SORCS3: variants seen among roughly 807,000 people sequenced by gnomAD.
SORCS3 encodes VPS10 domain-containing receptor SorCS3.
A neutral mutation model predicts 146.3 loss-of-function variants in SORCS3; 57 were observed. The ratio of observed to expected loss-of-function variants is 0.39; its 90% confidence interval spans 0.31 to 0.49. The LOEUF is 0.49. Among genes scored for constraint, SORCS3 ranks in the 20% least tolerant of loss-of-function variants. SORCS3 has a pLI of 0.92. For missense variants in SORCS3, 1,341 were observed against 1,575.5 expected (o/e 0.85, Z 2.52); for synonymous variants, 653 against 618.5 (o/e 1.06, Z -0.83).
intron 1 of SORCS3, among the ~76,000 whole-genome samples, chr10:104,646,772 T>G (rs2015500228): frequency 6.6e-6 from 1 of 151,374 alleles, no homozygotes; most frequent in African/African-American, 2.4e-5. Flanking sequence ...GAGGAGGAGG[T>G]GGGAGATATA....
chr10:104,867,483 G>A (rs370496300), intron 2 of SORCS3, among the ~76,000 whole-genome samples: 50 of 152,096 alleles, frequency 3.3e-4, no homozygotes, highest in African/African-American at 1.2e-3. Flanking sequence ...CTAATTTTTT[G>A]TATTTTTAGT....
chr10:104,875,191 A>G (rs1396781158), intron 2 of SORCS3, among the ~76,000 whole-genome samples: 1 of 152,214 alleles, frequency 6.6e-6, no homozygotes, highest in South Asian at 2.1e-4. Context: ...CAGTTGGTAG[A>G]TATTTCCAAG....
At chr10:104,812,113 CAG>C (rs1430102901) in intron 1 of SORCS3, among the ~76,000 whole-genome samples, 2 of 152,202 alleles carry the variant, frequency 1.3e-5, no homozygotes, top group African/African-American at 4.8e-5. Context: ...GAAGGGTAGA[CAG>C]AGATTTCCAT....
At position 105,200,684 on chromosome 10, in the gene SORCS3, G is replaced by A. The variant is rs534384423; in HGVS notation, c.2128-436G>A. On this transcript the variant is annotated intron_variant, in intron 15 of 26. Coordinates refer to ENST00000369701, the MANE Select transcript of SORCS3 (RefSeq NM_014978.3). ...TGGGAATTAAGATTTGGGCATGGTC[G>A]TTTATCATAGAGAAGGAACATTTTG... Among the ~76,000 whole-genome samples the A allele has an allele frequency of 9.2e-5, 14 of 152,292 alleles. No homozygotes were observed. In the South Asian group the frequency reaches 1.0e-3, roughly 11 times the overall value.
chr10:105,246,890 G>T (rs2056869298), intron 21 of SORCS3, among the ~76,000 whole-genome samples: 1 of 152,204 alleles, frequency 6.6e-6, no homozygotes, highest in African/African-American at 2.4e-5. Context: ...TTAATGCTTT[G>T]TGTTGGCTCT....
chr10:104,749,525 G>GTTC (rs1564674838), intron 1 of SORCS3, among the ~76,000 whole-genome samples: 1 of 152,082 alleles, frequency 6.6e-6, no homozygotes, highest in Non-Finnish European at 1.5e-5. Flanking sequence ...AGTTTAGTGC[G>GTTC]TTCTTATTGT....
intron 1 of SORCS3, among the ~76,000 whole-genome samples, chr10:104,698,386 G>T (rs1279971934): frequency 1.3e-5 from 2 of 152,138 alleles, no homozygotes; most frequent in African/African-American, 4.8e-5. Flanking sequence ...CAAAGACTGA[G>T]TACACTTACA....
chr10:105,129,053 C>A (rs2055996796), intron 7 of SORCS3, among the ~76,000 whole-genome samples: 1 of 152,058 alleles, frequency 6.6e-6, no homozygotes, highest in Non-Finnish European at 1.5e-5. Flanking sequence ...CAGGACCTTC[C>A]ACCTTTTCCC....
At chr10:104,848,843 T>C (rs115444525) in intron 2 of SORCS3, among the ~76,000 whole-genome samples, 3 of 152,294 alleles carry the variant, frequency 2.0e-5, no homozygotes, top group African/African-American at 7.2e-5. Context: ...AAGGAATGTT[T>C]CATTTGGTTG....
At chr10:105,120,235 C>A (rs1198600162) in intron 7 of SORCS3, among the ~76,000 whole-genome samples, 1 of 152,114 alleles carries the variant, frequency 6.6e-6, no homozygotes, top group Non-Finnish European at 1.5e-5. Context: ...GCTGTTCCTC[C>A]CCTTCACCTT....
intron 2 of SORCS3, among the ~76,000 whole-genome samples, chr10:104,878,807 A>C (rs1460204655): frequency 6.6e-6 from 1 of 152,206 alleles, no homozygotes; most frequent in Non-Finnish European, 1.5e-5. Context: ...GCTTAAATAC[A>C]GAGAATTAGA....
intron 5 of SORCS3, among the ~76,000 whole-genome samples, chr10:105,045,935 A>G (rs2055369029): frequency 6.6e-6 from 1 of 152,174 alleles, no homozygotes; most frequent in Admixed American, 6.6e-5. Context: ...GCCCATGGGC[A>G]TGTGATAACA....
At chr10:105,175,122 G>A (rs1184566061) in intron 13 of SORCS3, among the ~76,000 whole-genome samples, 7 of 151,968 alleles carry the variant, frequency 4.6e-5, no homozygotes, top group Admixed American at 2.6e-4. Flanking sequence ...ATCTCGGCTC[G>A]CTGCAACCTC....
chr10:105,158,457 G>A (rs1204826363), intron 10 of SORCS3, among the ~76,000 whole-genome samples: 1 of 152,176 alleles, frequency 6.6e-6, no homozygotes, highest in Non-Finnish European at 1.5e-5. Context: ...TGGAGGGCCT[G>A]GCCTAGTTCA....
chr10:104,705,408 A>G (rs552416590), intron 1 of SORCS3, among the ~76,000 whole-genome samples: 70 of 152,032 alleles, frequency 4.6e-4, no homozygotes, highest in African/African-American at 1.6e-3. Context: ...AGTATTTTAT[A>G]CTTTTCCCAC....
intron 6 of SORCS3, among the ~76,000 whole-genome samples, chr10:105,099,784 C>T (rs189770531): frequency 3.9e-5 from 6 of 152,242 alleles, no homozygotes; most frequent in Admixed American, 6.5e-5. Flanking sequence ...AGGCTAAGGG[C>T]GTCAGATTTT....
chr10:104,815,972 A>G (rs2017793221), intron 1 of SORCS3, among the ~76,000 whole-genome samples: 1 of 152,182 alleles, frequency 6.6e-6, no homozygotes, highest in Non-Finnish European at 1.5e-5. Flanking sequence ...TGTCCCTGCT[A>G]TTGGTTATTT....
chr10:105,164,262 G>T, intron 11 of SORCS3, 41 bp from the exon 12 acceptor site: 2 of 1,516,914 alleles, frequency 1.3e-6, no homozygotes, highest in Non-Finnish European at 1.8e-6. Flanking sequence ...CACTTAATTG[G>T]TAAACTCCTG....
intron 1 of SORCS3, among the ~76,000 whole-genome samples, chr10:104,796,842 G>T (rs577464311): frequency 2.6e-5 from 4 of 152,202 alleles, no homozygotes; most frequent in African/African-American, 9.7e-5. Flanking sequence ...CTGGTTGTCA[G>T]TTCATTAAAT....
Sources: gnomAD v4.1 joint callset for allele counts (sites outside exome capture counted in the v4.1 genomes callset) on GRCh38, gnomAD v4.1.1 for gene constraint, MANE v1.5 for transcripts, NCBI Gene and HGNC (gene_info 2026-07-23, HGNC 2026-07-21) for gene names.